PLAC8L1: variants seen among roughly 807,000 people sequenced by gnomAD.
PLAC8L1 encodes PLAC8 like 1.
In PLAC8L1, 13 loss-of-function variants were observed where a neutral mutation model predicts 16.3. The ratio of observed to expected loss-of-function variants is 0.80; its 90% CI spans 0.52 to 1.27. The LOEUF (loss-of-function observed/expected upper bound fraction) is 1.27, where lower values mean the gene tolerates loss of function less well. PLAC8L1 is among the 50% of genes most tolerant of loss of function. PLAC8L1 has a pLI of 0.00. For synonymous variants in PLAC8L1, 78 were observed against 79.3 expected (o/e 0.98, Z 0.09); for missense variants, 184 against 220.2 (o/e 0.84, Z 1.04).
At chr5:146,097,248 GC>G (rs1763732947) in intron 2 of PLAC8L1, among the ~76,000 whole-genome samples, 1 of 152,182 alleles carries the variant, frequency 6.6e-6, no homozygotes, top group Non-Finnish European at 1.5e-5. Context: ...TGAACTCTAA[GC>G]CCAGGGGGGA....
intron 2 of PLAC8L1, among the ~76,000 whole-genome samples, chr5:146,097,594 C>A (rs553298675): frequency 6.6e-6 from 1 of 152,284 alleles, no homozygotes; most frequent in South Asian, 2.1e-4. Flanking sequence ...GTATCCAAAT[C>A]ATCTTTTCAT....
At chr5:146,103,218 A>G (rs1301618119) in intron 1 of PLAC8L1, among the ~76,000 whole-genome samples, 4 of 152,084 alleles carry the variant, frequency 2.6e-5, no homozygotes, top group Admixed American at 6.5e-5. Flanking sequence ...GGAGTGCAGT[A>G]GTGTGATCTT....
chr5:146,097,203 G>C (rs1015800603), intron 2 of PLAC8L1, among the ~76,000 whole-genome samples: 3 of 152,202 alleles, frequency 2.0e-5, no homozygotes, highest in Non-Finnish European at 2.9e-5. Context: ...AGATGGGTCA[G>C]AATGTCCTCA....
intron 2 of PLAC8L1, among the ~76,000 whole-genome samples, chr5:146,088,135 AC>A (rs1023916528): frequency 3.3e-5 from 5 of 152,072 alleles, no homozygotes; most frequent in African/African-American, 1.2e-4. Context: ...CACCTGGCTA[AC>A]TTTTTTTCTT....
intron 2 of PLAC8L1, among the ~76,000 whole-genome samples, chr5:146,093,577 C>T (rs1289033444): frequency 6.6e-6 from 1 of 152,116 alleles, no homozygotes; most frequent in African/African-American, 2.4e-5. Context: ...GACAAAGAAG[C>T]AAATGAGAAT....
intron 2 of PLAC8L1, among the ~76,000 whole-genome samples, chr5:146,090,947 GGGAGGCTGAGGCA>G (rs1763608817): frequency 6.6e-6 from 1 of 151,874 alleles, no homozygotes; most frequent in Admixed American, 6.6e-5. Context: ...CCAGCTACTC[GGGAGGCTGAGGCA>G]GGAGAATTGC....
At chr5:146,099,875 G>A (rs572542486) in intron 1 of PLAC8L1, among the ~76,000 whole-genome samples, 8 of 152,016 alleles carry the variant, frequency 5.3e-5, no homozygotes, top group Non-Finnish European at 1.0e-4. Flanking sequence ...TTGCATTGTG[G>A]ATCTTATTAA....
intron 2 of PLAC8L1, among the ~76,000 whole-genome samples, chr5:146,087,661 A>G (rs530094890): frequency 1.3e-5 from 2 of 152,256 alleles, no homozygotes; most frequent in Admixed American, 6.5e-5. Context: ...TGAGTAGTTG[A>G]GACTACAGGC....
At chr5:146,103,621 G>C (rs914671538) in intron 1 of PLAC8L1, 1 of 970,976 alleles carries the variant, frequency 1.0e-6, no homozygotes, top group Non-Finnish European at 1.2e-6. Context: ...CAGAAGGTGA[G>C]GGAGGCTTTA....
At chr5:146,087,573 C>T (rs1580971851) in intron 2 of PLAC8L1, among the ~76,000 whole-genome samples, 1 of 152,260 alleles carries the variant, frequency 6.6e-6, no homozygotes, top group East Asian at 1.9e-4. Flanking sequence ...GGCTGGGGTG[C>T]GGTGGCACGA....
chr5:146,091,928 G>T (rs1763626359), intron 2 of PLAC8L1, among the ~76,000 whole-genome samples: 1 of 151,876 alleles, frequency 6.6e-6, no homozygotes, highest in African/African-American at 2.4e-5. Flanking sequence ...AGAAGCTCAG[G>T]TTCAAAAGGG....
At chr5:146,091,129 T>C (rs1313736517) in intron 2 of PLAC8L1, among the ~76,000 whole-genome samples, 1 of 152,140 alleles carries the variant, frequency 6.6e-6, no homozygotes, top group East Asian at 1.9e-4. Context: ...CAGATGGAAG[T>C]AGAAATTAGC....
intron 1 of PLAC8L1, among the ~76,000 whole-genome samples, chr5:146,100,829 T>C (rs1457094920): frequency 2.6e-5 from 4 of 152,138 alleles, no homozygotes. Context: ...CCAGTGTGAA[T>C]GTATTTGGAG....
intron 2 of PLAC8L1, among the ~76,000 whole-genome samples, chr5:146,090,695 G>A (rs1763596332): frequency 6.6e-6 from 1 of 152,118 alleles, no homozygotes; most frequent in Non-Finnish European, 1.5e-5. Flanking sequence ...TTTGCTCAAT[G>A]TCATTGGAAA....
intron 1 of PLAC8L1, among the ~76,000 whole-genome samples, chr5:146,100,818 C>T (rs781599253): frequency 2.6e-5 from 4 of 152,036 alleles, no homozygotes; most frequent in Admixed American, 1.3e-4. Context: ...AGTTCTAGCC[C>T]CCAGTGTGAA....
chr5:146,095,772 A>G (rs550135203), intron 2 of PLAC8L1, among the ~76,000 whole-genome samples: 6 of 152,322 alleles, frequency 3.9e-5, no homozygotes, highest in African/African-American at 1.4e-4. Context: ...ATACAAGCTG[A>G]GCAAATTGAG....
At chr5:146,085,783 A>G (rs1426293987) in intron 2 of PLAC8L1, among the ~76,000 whole-genome samples, 186 bp from the exon 3 acceptor site, 1 of 152,238 alleles carries the variant, frequency 6.6e-6, no homozygotes, top group African/African-American at 2.4e-5. Flanking sequence ...GAGCCACATC[A>G]AAATTGCCTT....
chr5:146,095,770 T>C (rs920162096), intron 2 of PLAC8L1, among the ~76,000 whole-genome samples: 1 of 152,200 alleles, frequency 6.6e-6, no homozygotes, highest in African/African-American at 2.4e-5. Context: ...TGATACAAGC[T>C]GAGCAAATTG....
chr5:146,085,324 TTC>T (rs1379682267), intron 3 of PLAC8L1, 135 bp downstream of exon 3: 32 of 898,772 alleles, frequency 3.6e-5, no homozygotes, highest in Non-Finnish European at 4.9e-6. Context: ...TGTATTTCCT[TTC>T]TCAAAGTTTC....
Sources: allele counts gnomAD v4.1 joint callset (sites outside exome capture counted in the v4.1 genomes callset), GRCh38; gene constraint gnomAD v4.1.1; transcripts MANE v1.5; gene names NCBI Gene and HGNC (gene_info 2026-07-23, HGNC 2026-07-21).